The following VPS26A variants were observed in gnomAD, a reference collection of about 807,000 sequenced individuals.
VPS26A encodes VPS26 retromer complex component A, also known as vacuolar protein sorting-associated protein 26A.
In VPS26A, 22 loss-of-function variants were observed where a neutral mutation model predicts 42.4. The observed-to-expected ratio is 0.52, with a 90% CI of 0.37 to 0.74. VPS26A has a LOEUF of 0.74. Ranked by LOEUF, VPS26A falls within the 30% of genes least tolerant of loss-of-function variation. VPS26A has a pLI of 0.00. For missense variants in VPS26A, 276 were observed against 379.2 expected, an observed-to-expected ratio of 0.73 and a Z score of 2.26; for synonymous variants, 110 against 123.5, an observed-to-expected ratio of 0.89 and a Z score of 0.73.
intron 2 of VPS26A, among the ~76,000 whole-genome samples, chr10:69,142,178 A>G (rs10998603): frequency 0.071 from 8,442 of 119,670 alleles, 288 homozygotes; most frequent in South Asian, 0.15. Context: ...CCACCATACC[A>G]GGCCTTTTTT....
chr10:69,149,821 A>G (rs904824008), intron 2 of VPS26A, among the ~76,000 whole-genome samples: 3 of 127,302 alleles, frequency 2.4e-5, no homozygotes, highest in Non-Finnish European at 4.6e-5. Context: ...ATCTCAGCTC[A>G]CTGCAGCCTC....
At chr10:69,167,126 CA>C (rs35323924) in intron 7 of VPS26A, among the ~76,000 whole-genome samples, 35 of 126,298 alleles carry the variant, frequency 2.8e-4, no homozygotes, top group Non-Finnish European at 3.6e-4. Flanking sequence ...AACTCCGTCT[CA>C]AAAAAAAAAA....
intron 2 of VPS26A, among the ~76,000 whole-genome samples, chr10:69,144,017 C>T (rs901941854): frequency 6.6e-6 from 1 of 152,174 alleles, no homozygotes; most frequent in African/African-American, 2.4e-5. Context: ...TGTGTCCAGC[C>T]TCAGATTCTT....
intron 3 of VPS26A, 130 bp downstream of exon 3, chr10:69,156,017 G>T: frequency 3.0e-6 from 2 of 670,228 alleles, no homozygotes; most frequent in Non-Finnish European, 2.5e-6. Context: ...CATAATAAAA[G>T]AGAGGATTTA....
intron 2 of VPS26A, among the ~76,000 whole-genome samples, chr10:69,148,803 T>A (rs1330077957): frequency 6.7e-6 from 1 of 150,198 alleles, no homozygotes; most frequent in African/African-American, 2.5e-5. Flanking sequence ...TTGCCTACGC[T>A]GGAGTGCAGT....
intron 5 of VPS26A, among the ~76,000 whole-genome samples, chr10:69,160,871 A>T: frequency 6.6e-6 from 1 of 152,190 alleles, no homozygotes; most frequent in East Asian, 1.9e-4. Context: ...GGTACGTGGG[A>T]GCGACCTTTG....
At position 69,142,008 on chromosome 10, in the gene VPS26A, C is replaced by T. The variant is rs1197235002; in HGVS notation, c.153+8961C>T. ...AAGTGATTCTCCTGCCTCAGCCTCC[C>T]GAGTAGCTGGGATTACAGGCGCATG... On this transcript the variant is annotated intron_variant, in intron 2 of 8. Coordinates refer to ENST00000263559, the MANE Select transcript of VPS26A (RefSeq NM_004896.5). 3.9e-5 allele frequency among the ~76,000 whole-genome samples: 6 copies of T among 151,912 alleles called. No individual in the cohort carries two copies. In the East Asian group the frequency reaches 1.2e-3, roughly 29 times the overall value.
intron 2 of VPS26A, among the ~76,000 whole-genome samples, chr10:69,137,347 A>G (rs932103833): frequency 1.3e-5 from 2 of 152,210 alleles, no homozygotes; most frequent in African/African-American, 4.8e-5. Flanking sequence ...TCCTATGCTC[A>G]GGGACTTACC....
At chr10:69,126,287 C>T (rs1157852963) in intron 1 of VPS26A, among the ~76,000 whole-genome samples, 1 of 152,102 alleles carries the variant, frequency 6.6e-6, no homozygotes, top group Non-Finnish European at 1.5e-5. Context: ...CATGGCGAAA[C>T]CCCGTCTTCA....
At chr10:69,170,989 G>A (rs1435667659) in intron 8 of VPS26A, among the ~76,000 whole-genome samples, 167 bp from the exon 9 acceptor site, 1 of 152,148 alleles carries the variant, frequency 6.6e-6, no homozygotes, top group Non-Finnish European at 1.5e-5. Flanking sequence ...AGGTAGAAGG[G>A]GCAGTCAAGA....
At chr10:69,168,224 G>A (rs1194850358) in intron 7 of VPS26A, among the ~76,000 whole-genome samples, 1 of 151,508 alleles carries the variant, frequency 6.6e-6, no homozygotes, top group Non-Finnish European at 1.5e-5. Context: ...ATTTTTGGCT[G>A]TTACATTTGG....
At chr10:69,147,482 T>C (rs1841186943) in intron 2 of VPS26A, among the ~76,000 whole-genome samples, 1 of 152,216 alleles carries the variant, frequency 6.6e-6, no homozygotes, top group Non-Finnish European at 1.5e-5. Context: ...AATCATTGCC[T>C]AATCCAAAGG....
chr10:69,127,458 C>T (rs1200784219), intron 1 of VPS26A, among the ~76,000 whole-genome samples: 2 of 151,026 alleles, frequency 1.3e-5, no homozygotes, highest in Non-Finnish European at 1.5e-5. Flanking sequence ...GAGGCTGAGG[C>T]AGGAGAATGG....
intron 2 of VPS26A, among the ~76,000 whole-genome samples, chr10:69,137,012 G>A (rs189895547): frequency 1.6e-4 from 24 of 151,794 alleles, no homozygotes; most frequent in Middle Eastern, 3.4e-3. Flanking sequence ...GGCTGGTCTC[G>A]AACTCCTAAC....
intron 1 of VPS26A, among the ~76,000 whole-genome samples, chr10:69,124,839 G>A (rs1239046516): frequency 2.0e-5 from 3 of 152,222 alleles, no homozygotes; most frequent in South Asian, 2.1e-4. Context: ...ATAAAAGGAC[G>A]TTGGAATGGG....
At chr10:69,125,670 CAG>C (rs1840635168) in intron 1 of VPS26A, among the ~76,000 whole-genome samples, 1 of 152,156 alleles carries the variant, frequency 6.6e-6, no homozygotes, top group Admixed American at 6.5e-5. Context: ...GTTACCCAAA[CAG>C]AAACTAAATT....
At position 69,157,073 on chromosome 10, in the gene VPS26A, G is replaced by T. The variant is rs1445877800; in HGVS notation, c.296G>T (p.Gly99Val). The stretch of plus-strand genomic sequence containing the variant: ...CTAGTGAAAGAACTAGCCTTACCTG[G>T]AGAACTGACTCAGAGCAGAAGTTAT... Reference protein sequence around the residue: ...VNLVKELALPGELTQSRSYDF... With the variant: ...VNLVKELALPVELTQSRSYDF... Residue 99 changes from glycine (G) to valine (V), a missense_variant, in exon 4 of 9, where the codon GGA (glycine) becomes GTA (valine). Gly to Val is a moderately radical substitution (Grantham distance 109). Transcript: ENST00000263559. 2.5e-6 allele frequency: 4 copies of T among 1,613,450 alleles called. No homozygotes were observed. The highest frequency in any genetic ancestry group is 3.4e-6 in the Non-Finnish European group (4 of 1,179,684).
chr10:69,149,747 T>TTTTG (rs1564680083), intron 2 of VPS26A, among the ~76,000 whole-genome samples: 1 of 135,660 alleles, frequency 7.4e-6, no homozygotes, highest in African/African-American at 2.9e-5. Context: ...TTTTTTTTTT[T>TTTTG]TTTTTTTTTT....
intron 3 of VPS26A, among the ~76,000 whole-genome samples, chr10:69,156,464 T>C (rs1334025196): frequency 6.6e-6 from 1 of 152,304 alleles, no homozygotes; most frequent in Middle Eastern, 3.4e-3. Context: ...TAATACTGTC[T>C]ACATAACTAG....
Sources: gnomAD v4.1 joint callset for allele counts (sites outside exome capture counted in the v4.1 genomes callset) on GRCh38, gnomAD v4.1.1 for gene constraint, MANE v1.5 for transcripts, NCBI Gene and HGNC (gene_info 2026-07-23, HGNC 2026-07-21) for gene names.